NRXN3: variants seen among roughly 807,000 people sequenced by gnomAD.
NRXN3 encodes neurexin III.
In NRXN3, 32 loss-of-function variants were observed where a neutral mutation model predicts 137.6. That is an observed-to-expected ratio of 0.23 (90% CI 0.18 to 0.31). The LOEUF is 0.31. NRXN3 is among the 10% of genes least tolerant of loss of function. The pLI is 1.00. For synonymous variants in NRXN3, 798 were observed against 784.5 expected (o/e 1.02, Z -0.29); for missense variants, 1,574 against 2,062.5 (o/e 0.76, Z 4.59).
chr14:78,879,383 GATAACAACTAATCTATAGTA>G lies in NRXN3; in HGVS notation c.2275+69043_2275+69062del, dbSNP rs571988177. Among the ~76,000 whole-genome samples the G allele has an allele frequency of 3.0e-3, 459 of 152,222 alleles. 3 individuals carry two copies. The highest frequency in any genetic ancestry group is 0.011 in the African/African-American group (441 of 41,532). On this transcript the variant is annotated intron_variant, in intron 10 of 20. Coordinates refer to ENST00000335750, the MANE Select transcript of NRXN3 (RefSeq NM_001330195.2). The stretch of plus-strand genomic sequence containing the variant: ...GCTAATACTTATCTTTTATCTTTAT[GATAACAACTAATCTATAGTA>G]ATAGCTAATCTATAGCTAGGTATAA...
chr14:79,705,319 C>CTCCT (rs2098773243), intron 19 of NRXN3, among the ~76,000 whole-genome samples: 1 of 152,138 alleles, frequency 6.6e-6, no homozygotes, highest in South Asian at 2.1e-4. Flanking sequence ...TATGGTTCTC[C>CTCCT]TCCTTCCTAT....
At chr14:78,748,464 G>A (rs886123489) in intron 8 of NRXN3, among the ~76,000 whole-genome samples, 2 of 152,168 alleles carry the variant, frequency 1.3e-5, no homozygotes, top group Admixed American at 1.3e-4. Context: ...AAAGAAGTTA[G>A]GGGGTTTATT....
At chr14:78,298,961 G>T (rs534702409) in intron 4 of NRXN3, among the ~76,000 whole-genome samples, 2 of 152,302 alleles carry the variant, frequency 1.3e-5, no homozygotes, top group Admixed American at 6.5e-5. Context: ...TCAAGGAACT[G>T]CCCGAGGCTG....
At chr14:78,720,236 C>A (rs920419016) in intron 8 of NRXN3, among the ~76,000 whole-genome samples, 3 of 152,154 alleles carry the variant, frequency 2.0e-5, no homozygotes, top group Non-Finnish European at 4.4e-5. Flanking sequence ...AGAACTCTCC[C>A]TGAAATCTCA....
At chr14:79,847,880 CTT>C (rs72525147) in intron 20 of NRXN3, among the ~76,000 whole-genome samples, 6 of 138,154 alleles carry the variant, frequency 4.3e-5, no homozygotes, top group Admixed American at 7.3e-5. Flanking sequence ...GCCAGGAATT[CTT>C]TTTTTTTTTT....
chr14:79,775,051 C>T (rs2099092309), intron 19 of NRXN3, among the ~76,000 whole-genome samples: 1 of 151,956 alleles, frequency 6.6e-6, no homozygotes, highest in African/African-American at 2.4e-5. Flanking sequence ...TTCTCTACTC[C>T]TGGACTTACT....
chr14:79,267,657 A>G (rs1030459758), intron 15 of NRXN3, among the ~76,000 whole-genome samples: 3 of 136,044 alleles, frequency 2.2e-5, no homozygotes, highest in Non-Finnish European at 4.7e-5. Flanking sequence ...TAAGTTTTGT[A>G]TTTTTAGTAG....
At chr14:78,416,749 G>T (rs1399170202) in intron 4 of NRXN3, among the ~76,000 whole-genome samples, 1 of 152,196 alleles carries the variant, frequency 6.6e-6, no homozygotes, top group Non-Finnish European at 1.5e-5. Flanking sequence ...GCTTCCATTT[G>T]CTTGTCCACA....
At chr14:79,772,824 A>G (rs1186588382) in intron 19 of NRXN3, among the ~76,000 whole-genome samples, 1 of 152,216 alleles carries the variant, frequency 6.6e-6, no homozygotes, top group African/African-American at 2.4e-5. Context: ...AGAAACTACC[A>G]TCAGAGTGAA....
chr14:79,598,983 C>T (rs982925086), intron 16 of NRXN3, among the ~76,000 whole-genome samples: 4 of 152,184 alleles, frequency 2.6e-5, no homozygotes, highest in African/African-American at 9.6e-5. Context: ...TAACTGCTGT[C>T]TGTCTTCTTC....
At chr14:78,607,178 G>A (rs1435012302) in intron 4 of NRXN3, among the ~76,000 whole-genome samples, 1 of 152,138 alleles carries the variant, frequency 6.6e-6, no homozygotes, top group East Asian at 1.9e-4. Context: ...CACCTCAGAG[G>A]ACCAAATCAT....
At chr14:78,405,785 A>G (rs570310970) in intron 4 of NRXN3, among the ~76,000 whole-genome samples, 1 of 152,286 alleles carries the variant, frequency 6.6e-6, no homozygotes, top group Admixed American at 6.5e-5. Flanking sequence ...ATACAAAAAT[A>G]TGGACTTAAT....
At chr14:79,626,472 A>G (rs192781850) in intron 16 of NRXN3, among the ~76,000 whole-genome samples, 3 of 151,270 alleles carry the variant, frequency 2.0e-5, no homozygotes, top group African/African-American at 4.9e-5. Context: ...TACTCAATGT[A>G]GTTTTAAATT....
At chr14:78,552,901 G>GA in intron 4 of NRXN3, among the ~76,000 whole-genome samples, 1 of 152,218 alleles carries the variant, frequency 6.6e-6, no homozygotes, top group Middle Eastern at 3.4e-3. Context: ...ACATTTAAGT[G>GA]ATGGATATCC....
At chr14:79,677,252 A>G (rs1159170535) in intron 17 of NRXN3, among the ~76,000 whole-genome samples, 1 of 152,076 alleles carries the variant, frequency 6.6e-6, no homozygotes, top group African/African-American at 2.4e-5. Context: ...AATGATAAAT[A>G]GGAGGAAGAT....
intron 16 of NRXN3, among the ~76,000 whole-genome samples, chr14:79,525,455 A>G (rs2097109936): frequency 6.6e-6 from 1 of 152,162 alleles, no homozygotes; most frequent in East Asian, 1.9e-4. Flanking sequence ...ATTCCACTCT[A>G]TTCTTCTGGA....
At chr14:79,837,024 C>A (rs2099345559) in intron 20 of NRXN3, among the ~76,000 whole-genome samples, 1 of 152,096 alleles carries the variant, frequency 6.6e-6, no homozygotes, top group Non-Finnish European at 1.5e-5. Flanking sequence ...CTACATTATT[C>A]CAGGATCTTG....
chr14:78,275,823 C>G (rs568352197), intron 2 of NRXN3, among the ~76,000 whole-genome samples: 1 of 152,264 alleles, frequency 6.6e-6, no homozygotes, highest in East Asian at 1.9e-4. Flanking sequence ...CAGCTGAGGA[C>G]TGCTACAAGA....
intron 15 of NRXN3, among the ~76,000 whole-genome samples, chr14:79,007,975 G>A (rs2099557052): frequency 6.6e-6 from 1 of 152,056 alleles, no homozygotes; most frequent in Non-Finnish European, 1.5e-5. Flanking sequence ...GAAGGTTTAA[G>A]CTCTGTCAAG....
Sources: allele counts gnomAD v4.1 joint callset (sites outside exome capture counted in the v4.1 genomes callset), GRCh38; gene constraint gnomAD v4.1.1; transcripts MANE v1.5; gene names NCBI Gene and HGNC (gene_info 2026-07-23, HGNC 2026-07-21).